Variants in CPD observed in about 807,000 individuals in gnomAD.
The protein encoded by CPD is carboxypeptidase D.
Under a neutral mutation model 138.3 loss-of-function variants are expected in CPD, and 69 were observed. That is an observed-to-expected ratio of 0.50 (90% CI 0.41 to 0.61). CPD has a LOEUF of 0.61. CPD is among the 20% of genes least tolerant of loss of function. CPD has a pLI of 0.00. For synonymous variants in CPD, 651 were observed against 642.1 expected (o/e 1.01, Z -0.21); for missense variants, 1,432 against 1,733.3 (o/e 0.83, Z 3.09).
Position 30,423,668 on chromosome 17 carries a change from A to T in CPD, c.1820A>T (p.Asn607Ile), listed in dbSNP as rs1277067599. Residue 607 changes from asparagine to isoleucine, a missense_variant, in exon 6 of 21, where the codon AAT (asparagine) becomes ATT (isoleucine). This residue lies in a region of CPD where 297 missense variants were observed against 405.3 expected (regional missense o/e 0.73). Transcript: ENST00000225719. ...NTRIHLMPSMNPDGYEKSQEG... is the reference protein window; with the variant it reads ...NTRIHLMPSMIPDGYEKSQEG... Reference sequence around the variant, plus strand: ...AGAATTCACCTTATGCCATCCATGAATCCTGATGGGTATGAAAAGTCCCAG... The same window carrying T: ...AGAATTCACCTTATGCCATCCATGATTCCTGATGGGTATGAAAAGTCCCAG... 6.3e-7 allele frequency: 1 copy of T among 1,599,238 alleles called. No homozygotes were observed.
chr17:30,379,130 G>A lies in CPD; in HGVS notation c.150G>A (p.Ala50=), dbSNP rs559021154. The part of the protein sequence containing the change: ...TTTTTSAGAE[A]AEGQFDRYYH... ...CAACTACGAGCGCGGGCGCCGAGGCGGCCGAGGGCCAGTTCGACCGCTACT... is the reference window on the plus strand; with the variant it reads ...CAACTACGAGCGCGGGCGCCGAGGCAGCCGAGGGCCAGTTCGACCGCTACT... The change falls in exon 1 of 21, where the codon GCG becomes GCA. Residue 50 remains alanine, a synonymous_variant. Coordinates refer to ENST00000225719, the MANE Select transcript of CPD (RefSeq NM_001304.5). The surrounding 1 kb of genome is among the most constrained non-coding windows in gnomAD (Gnocchi z 7.0). 2.6e-6 allele frequency: 4 copies of A among 1,538,944 alleles called. No homozygotes were observed. The highest frequency in any genetic ancestry group is 2.5e-5 in the East Asian group (1 of 39,334).
rs147266475 is a variant in CPD at position 30,435,321 on chromosome 17, A to G, written c.2127+3440A>G. Among the ~76,000 whole-genome samples, 585 of 152,314 alleles carry G rather than the reference A, an allele frequency of 3.8e-3. 2 individuals are homozygous for G. The highest frequency in any genetic ancestry group is 0.02 in the Middle Eastern group (6 of 294). ...AAAGACAGACATATAGATCAATGAA[A>G]TAGAACTGAGAACCCAGGAATAAAT... On this transcript the variant is annotated intron_variant, in intron 8 of 20. Transcript: ENST00000225719.
chr17:30,436,538 A>G (rs937486796), intron 8 of CPD, among the ~76,000 whole-genome samples: 4 of 152,242 alleles, frequency 2.6e-5, no homozygotes, highest in African/African-American at 9.6e-5. Context: ...ATTATTAGCC[A>G]TTAGAGAAAT....
In CPD at chr17:30,379,204, G is replaced by T; in HGVS notation, c.224G>T (p.Gly75Val). 2 of 1,528,776 alleles carry T rather than the reference G, an allele frequency of 1.3e-6. No individual in the cohort carries two copies. The highest frequency in any genetic ancestry group is 1.7e-6 in the Non-Finnish European group (2 of 1,142,916). The allele number at this position is 1,528,776 out of a possible 1,614,324, so 94.7% of individuals were successfully genotyped here. ...ESALREAAAA[G>V]LPGLARLFSI... ...GCGCTGAGGGAGGCGGCGGCCGCGG[G>T]CCTCCCCGGCCTGGCCCGCCTCTTT... The change falls in exon 1 of 21, where the codon GGC (glycine) becomes GTC (valine). Residue 75 changes from glycine to valine, a missense_variant. Coordinates refer to ENST00000225719, the MANE Select transcript of CPD (RefSeq NM_001304.5). The surrounding 1 kb of genome is among the most constrained non-coding windows in gnomAD (Gnocchi z 7.0).
rs756315305 is a variant in CPD, at chr17:30,423,517, T to C, written c.1669T>C (p.Phe557Leu). ...PGVHEPGEPE[F>L]KYIGNMHGNE... ...TATTTTGTTTTCAGGTGAACCAGAA[T>C]TTAAGTACATTGGAAATATGCATGG... Residue 557 changes from phenylalanine (F) to leucine (L), a missense_variant, in exon 6 of 21, where the codon TTT becomes CTT. Physicochemically the swap from Phe to Leu is conservative, Grantham distance 22 (BLOSUM62 0). Coordinates refer to ENST00000225719, the MANE Select transcript of CPD (RefSeq NM_001304.5). 1 of 1,563,732 alleles carries C rather than the reference T, an allele frequency of 6.4e-7. No homozygotes were observed. Among genetic ancestry groups the C allele is most frequent in the Non-Finnish European group, 8.6e-7 (1 of 1,157,064 alleles).
Position 30,445,964 on chromosome 17 carries a change from A to G in CPD, c.2817A>G (p.Leu939=), listed in dbSNP as rs1913018575. The change falls in exon 12 of 21, where the codon TTA becomes TTG. Residue 939 remains leucine, a synonymous_variant. Coordinates refer to ENST00000225719, the MANE Select transcript of CPD (RefSeq NM_001304.5). The stretch of plus-strand genomic sequence containing the variant: ...ATCGATACCATTCCTACAAAGACTT[A>G]TCAGAGTTTCTGAGAGGACTTGTAA... ...ALYRYHSYKD[L]SEFLRGLVMN... The G allele has an allele frequency of 1.1e-5, 18 of 1,613,838 alleles. No individual in the cohort carries two copies. The highest frequency in any genetic ancestry group is 1.4e-5 in the Non-Finnish European group (17 of 1,179,930).
chr17:30,409,830 G>T (rs901969206), intron 2 of CPD, among the ~76,000 whole-genome samples: 9 of 151,860 alleles, frequency 5.9e-5, no homozygotes, highest in South Asian at 2.1e-4. Context: ...GATTTTTTTT[G>T]AATGGTTTTT....
chr17:30,445,912 C>T lies in CPD; in HGVS notation c.2765C>T (p.Ser922Phe). The T allele has an allele frequency of 6.2e-7, 1 of 1,614,022 alleles. No individual in the cohort carries two copies. Among genetic ancestry groups the T allele is most frequent in the Non-Finnish European group, 8.5e-7 (1 of 1,179,912 alleles). ...GGTTTGGAAAGCCTCATGTTACGCT[C>T]CTCCTCAAATCTGGCTCTGGCTCTT... ...ENGLESLMLR[S>F]SSNLALALYR... Residue 922 changes from serine to phenylalanine, a missense_variant, in exon 12 of 21, where the codon TCC becomes TTC. This residue lies in a region of CPD where 124 missense variants were observed against 117.0 expected (regional missense o/e 1.06). Coordinates refer to ENST00000225719, the MANE Select transcript of CPD (RefSeq NM_001304.5).
chr17:30,424,743 G>A (rs906319139), intron 6 of CPD, among the ~76,000 whole-genome samples: 20 of 152,182 alleles, frequency 1.3e-4, no homozygotes, highest in African/African-American at 4.3e-4. Flanking sequence ...GTGTGGGATG[G>A]GACAGCAGAC....
At chr17:30,442,202 T>C in intron 9 of CPD, 106 bp from the exon 10 acceptor site, 2 of 997,572 alleles carry the variant, frequency 2.0e-6, no homozygotes, top group East Asian at 2.4e-5. Context: ...TTATCAATGC[T>C]GATAAGAGAT....
chr17:30,407,156 T>C (rs1911822603), intron 2 of CPD, among the ~76,000 whole-genome samples: 1 of 152,230 alleles, frequency 6.6e-6, no homozygotes, highest in African/African-American at 2.4e-5. Flanking sequence ...TCATTCTTTT[T>C]TATGGCTGCA....
intron 4 of CPD, 142 bp downstream of exon 4, chr17:30,421,975 A>G (rs1269573958): frequency 4.4e-6 from 3 of 687,202 alleles, no homozygotes; most frequent in Admixed American, 3.1e-5. Flanking sequence ...TCGTTTTATA[A>G]TAAGAAAATA....
rs1323157833 is a variant in CPD, at chr17:30,379,465, G to A, written c.485G>A (p.Arg162His). The A allele has an allele frequency of 1.3e-6, 2 of 1,572,458 alleles. No homozygotes were observed. Among genetic ancestry groups the A allele is most frequent in the African/African-American group, 1.4e-5 (1 of 70,846 alleles). Residue 162 changes from arginine (R) to histidine (H), a missense_variant, in exon 1 of 21, where the codon CGC becomes CAC. By Grantham distance (29) the Arg-to-His change is conservative. Transcript: ENST00000225719. The surrounding 1 kb of genome is among the most constrained non-coding windows in gnomAD (Gnocchi z 7.0). ...LARELAAGYR[R>H]GDPRLVRLLN... is the part of the protein sequence containing the mutation. ...CGCGAGCTGGCGGCCGGCTACCGCCGCGGGGACCCGCGCCTGGTCCGCCTG... is the reference window on the plus strand; with the variant it reads ...CGCGAGCTGGCGGCCGGCTACCGCCACGGGGACCCGCGCCTGGTCCGCCTG...
At position 30,420,830 on chromosome 17, in the gene CPD, C is replaced by G; in HGVS notation, c.995-11C>G. ...CCTTCTGAGAGTAAACTTATTTTTT[C>G]TATGTTACAGGTGGTATGCAAGATT... On this transcript the variant is annotated splice_polypyrimidine_tract_variant and intron_variant, in intron 2 of 20. Transcript: ENST00000225719. 3.1e-6 allele frequency: 5 copies of G among 1,595,010 alleles called. No homozygotes were observed. Among genetic ancestry groups the G allele is most frequent in the Non-Finnish European group, 3.4e-6 (4 of 1,169,210 alleles).
At chr17:30,445,049 C>G (rs1019357810) in intron 11 of CPD, among the ~76,000 whole-genome samples, 8 of 152,060 alleles carry the variant, frequency 5.3e-5, no homozygotes, top group African/African-American at 1.7e-4. Context: ...AATGTCATAA[C>G]CTAGCACCTC....
rs753860996 is a variant in CPD at position 30,379,510 on chromosome 17, A to G, written c.530A>G (p.Tyr177Cys). Reference protein sequence around the residue: ...LVRLLNTTDVYLLPSLNPDGF... With the variant: ...LVRLLNTTDVCLLPSLNPDGF... ...CGCCTGCTCAACACCACCGACGTGT[A>G]CCTGCTGCCCAGCCTCAACCCCGAT... Residue 177 changes from tyrosine to cysteine, a missense_variant, in exon 1 of 21, where the codon TAC (tyrosine) becomes TGC (cysteine). Physicochemically the swap from Tyr to Cys is radical, Grantham distance 194. This residue lies in a region of CPD where 484 missense variants were observed against 477.2 expected (regional missense o/e 1.01). Transcript: ENST00000225719. This position sits in a 1 kb window ranked among gnomAD's most constrained non-coding sequence, Gnocchi z 7.0. The G allele has an allele frequency of 9.5e-6, 15 of 1,572,264 alleles. No individual in the cohort carries two copies. Among genetic ancestry groups the G allele is most frequent in the Admixed American group, 1.8e-5 (1 of 55,080 alleles).
chr17:30,385,739 A>G (rs1203008787), intron 2 of CPD, among the ~76,000 whole-genome samples: 3 of 151,188 alleles, frequency 2.0e-5, no homozygotes, highest in Non-Finnish European at 4.4e-5. Flanking sequence ...ATTATGTCCA[A>G]AGTAGCCTTG....
At chr17:30,422,623 C>A in intron 4 of CPD, 51 bp from the exon 5 acceptor site, 4 of 1,200,872 alleles carry the variant, frequency 3.3e-6, no homozygotes, top group Non-Finnish European at 4.7e-6. Context: ...AATATTAAAG[C>A]ATTGTATGTC....
intron 10 of CPD, among the ~76,000 whole-genome samples, chr17:30,443,176 T>C (rs2143469314): frequency 6.6e-6 from 1 of 152,282 alleles, no homozygotes; most frequent in African/African-American, 2.4e-5. Context: ...TACACATACA[T>C]ATTTTTGACT....
Sources: gnomAD v4.1 joint callset for allele counts (sites outside exome capture counted in the v4.1 genomes callset) on GRCh38, gnomAD v4.1.1 for gene constraint, gnomAD v4.1.1 regional missense constraint, Gnocchi (gnomAD v3.1) non-coding constraint, MANE v1.5 for transcripts, NCBI Gene and HGNC (gene_info 2026-07-23, HGNC 2026-07-21) for gene names.